HOMER1: variants seen among roughly 807,000 people sequenced by gnomAD.
The protein encoded by HOMER1 is homer scaffold protein 1.
HOMER1 carries 3 observed loss-of-function variants against 48.9 expected under a neutral mutation model. That is an observed-to-expected ratio of 0.06 (90% CI 0.03 to 0.16). The LOEUF (loss-of-function observed/expected upper bound fraction) is 0.16, where lower values mean the gene tolerates loss of function less well. Among genes scored for constraint, HOMER1 ranks in the 10% least tolerant of loss-of-function variants. HOMER1 has a pLI of 1.00. For missense variants in HOMER1, 247 were observed against 411.4 expected, an observed-to-expected ratio of 0.60 and a Z score of 3.46; for synonymous variants, 134 against 146.4, an observed-to-expected ratio of 0.92 and a Z score of 0.61.
chr5:79,435,855 G>A (rs992419892), intron 5 of HOMER1, among the ~76,000 whole-genome samples: 15 of 145,424 alleles, frequency 1.0e-4, no homozygotes, highest in African/African-American at 3.6e-4. Context: ...GGCCGGGCGC[G>A]GTGGCTCACG....
At chr5:79,473,142 G>A (rs1455643005) in intron 1 of HOMER1, among the ~76,000 whole-genome samples, 4 of 152,226 alleles carry the variant, frequency 2.6e-5, no homozygotes, top group Non-Finnish European at 5.9e-5. Context: ...AAAGACGATG[G>A]TTTAACTAAA....
At chr5:79,477,689 G>A (rs1751822361) in intron 1 of HOMER1, among the ~76,000 whole-genome samples, 1 of 152,224 alleles carries the variant, frequency 6.6e-6, no homozygotes, top group Non-Finnish European at 1.5e-5. Context: ...ATGTCTGACA[G>A]TTTTTGAGAG....
chr5:79,485,314 A>T (rs935923576), intron 1 of HOMER1, among the ~76,000 whole-genome samples: 4 of 152,150 alleles, frequency 2.6e-5, no homozygotes, highest in Non-Finnish European at 4.4e-5. Context: ...TTGGGTTTTT[A>T]AAGTATGGGG....
intron 4 of HOMER1, 147 bp from the exon 5 acceptor site, chr5:79,439,296 A>C: frequency 1.4e-6 from 1 of 725,784 alleles, no homozygotes; most frequent in Non-Finnish European, 2.1e-6. Context: ...AAAAACATAA[A>C]ACATGGAAAT....
chr5:79,372,799 G>T lies in HOMER1; in HGVS notation c.*3210C>A, dbSNP rs1003652198. 2.6e-5 allele frequency: 4 copies of T among 152,068 alleles called. No individual in the cohort carries two copies. Among genetic ancestry groups the T allele is most frequent in the African/African-American group, 7.2e-5 (3 of 41,416 alleles). 9.4% of individuals were successfully genotyped at this position (152,068 alleles called of 1,614,324 possible). A position where few individuals can be genotyped will look rare whatever the true frequency, so the allele number is the denominator to read the frequency against. The stretch of plus-strand genomic sequence containing the variant: ...AAACATGGGAGACTGTAGCCCACAT[G>T]TTAAAGAATACATTTAATTTTAACA... On this transcript the variant is annotated 3_prime_UTR_variant, in exon 9 of 9. Coordinates refer to ENST00000334082, the MANE Select transcript of HOMER1 (RefSeq NM_004272.5).
At chr5:79,510,578 CACA>C (rs1342428910) in intron 1 of HOMER1, 16 of 799,704 alleles carry the variant, frequency 2.0e-5, no homozygotes, top group African/African-American at 8.4e-5. Context: ...TGCCAAGAAA[CACA>C]ACAAGAAGGG....
chr5:79,469,094 T>C (rs1338319219), intron 1 of HOMER1, among the ~76,000 whole-genome samples: 4 of 152,190 alleles, frequency 2.6e-5, no homozygotes, highest in African/African-American at 2.4e-5. Context: ...TTATGGTCCT[T>C]TGGTATAAAA....
chr5:79,393,365 C>G (rs1749302317), intron 8 of HOMER1, among the ~76,000 whole-genome samples: 2 of 152,002 alleles, frequency 1.3e-5, no homozygotes, highest in African/African-American at 4.8e-5. Flanking sequence ...GAACTAAGAC[C>G]TAAACTAAAA....
chr5:79,502,997 A>G (rs186658163), intron 1 of HOMER1, among the ~76,000 whole-genome samples: 26 of 152,118 alleles, frequency 1.7e-4, no homozygotes, highest in South Asian at 4.2e-4. Context: ...TCACCGTGTT[A>G]GCCAGGACGG....
At chr5:79,482,297 A>C (rs757880033) in intron 1 of HOMER1, among the ~76,000 whole-genome samples, 4 of 152,226 alleles carry the variant, frequency 2.6e-5, no homozygotes, top group Non-Finnish European at 5.9e-5. Context: ...TCAGTGGATA[A>C]GTAAAACATA....
chr5:79,400,058 AT>A (rs1213734723), intron 6 of HOMER1, among the ~76,000 whole-genome samples: 2 of 149,216 alleles, frequency 1.3e-5, no homozygotes, highest in Non-Finnish European at 3.0e-5. Context: ...GCTCCTTAAT[AT>A]TTTCTGGCTA....
chr5:79,504,692 TTAAA>T (rs1752699621), intron 1 of HOMER1, among the ~76,000 whole-genome samples: 1 of 151,976 alleles, frequency 6.6e-6, no homozygotes, highest in Non-Finnish European at 1.5e-5. Flanking sequence ...TTATAAATAC[TTAAA>T]TAAAACAGAA....
intron 7 of HOMER1, among the ~76,000 whole-genome samples, chr5:79,397,186 C>A (rs2112214163): frequency 6.6e-6 from 1 of 152,202 alleles, no homozygotes; most frequent in Non-Finnish European, 1.5e-5. Flanking sequence ...GGATATAATT[C>A]TTTCCTAAGA....
intron 1 of HOMER1, among the ~76,000 whole-genome samples, chr5:79,495,979 A>C (rs1194278654): frequency 6.6e-6 from 1 of 152,234 alleles, no homozygotes; most frequent in Non-Finnish European, 1.5e-5. Context: ...GTGGAAAAAA[A>C]GGTATAAACC....
At chr5:79,482,219 C>CA (rs1561381285) in intron 1 of HOMER1, among the ~76,000 whole-genome samples, 1 of 151,422 alleles carries the variant, frequency 6.6e-6, no homozygotes, top group African/African-American at 2.4e-5. Context: ...CACCCTGTCT[C>CA]AAAAAAATAA....
intron 5 of HOMER1, among the ~76,000 whole-genome samples, chr5:79,432,812 T>C (rs1386287388): frequency 6.6e-6 from 1 of 151,624 alleles, no homozygotes; most frequent in African/African-American, 2.4e-5. Flanking sequence ...CTACCGTACT[T>C]CTTGTAAAAT....
intron 1 of HOMER1, among the ~76,000 whole-genome samples, chr5:79,505,168 A>AG (rs1283496139): frequency 6.6e-6 from 1 of 152,112 alleles, no homozygotes; most frequent in Non-Finnish European, 1.5e-5. Context: ...CTGAGGCAGG[A>AG]GAATCATCTG....
chr5:79,378,241 A>G (rs1748830365), intron 8 of HOMER1, among the ~76,000 whole-genome samples: 1 of 149,398 alleles, frequency 6.7e-6, no homozygotes, highest in Non-Finnish European at 1.5e-5. Flanking sequence ...AAAAAAAAAA[A>G]GGAAATTGGC....
At chr5:79,497,870 CCAG>C (rs1416070593) in intron 1 of HOMER1, among the ~76,000 whole-genome samples, 5 of 152,040 alleles carry the variant, frequency 3.3e-5, no homozygotes, top group Non-Finnish European at 7.3e-5. Context: ...GCTCCCTGGA[CCAG>C]CAGCATCAGC....
Sources: gnomAD v4.1 joint callset for allele counts (sites outside exome capture counted in the v4.1 genomes callset) on GRCh38, gnomAD v4.1.1 for gene constraint, MANE v1.5 for transcripts, NCBI Gene and HGNC (gene_info 2026-07-23, HGNC 2026-07-21) for gene names.